Variants in TINAG observed in about 807,000 individuals in gnomAD.
The protein encoded by TINAG is tubulointerstitial nephritis antigen.
Under a neutral mutation model 72.7 loss-of-function variants are expected in TINAG, and 83 were observed. That is an observed-to-expected ratio of 1.14 (90% CI 0.96 to 1.37). TINAG has a LOEUF of 1.37. Among genes scored for constraint, TINAG ranks in the 40% most tolerant of loss-of-function variants. The pLI, the probability that TINAG is intolerant of heterozygous loss-of-function variation, is 0.00. For synonymous variants in TINAG, 234 were observed against 189.9 expected (o/e 1.23, Z -1.91); for missense variants, 685 against 576.6 (o/e 1.19, Z -1.93).
chr6:54,389,739 A>G lies in TINAG; in HGVS notation c.1297-52A>G, dbSNP rs1315225533. 4 of 1,544,126 alleles carry G rather than the reference A, an allele frequency of 2.6e-6. No homozygotes were observed. In the East Asian group the frequency reaches 9.2e-5, roughly 35 times the overall value. ...AATGAGTTCTCCATGGCTTTTTTTA[A>G]AAAATACCAAAGTATGTTTCTCAAC... is the stretch of plus-strand genomic sequence containing the variant. On this transcript the variant is annotated intron_variant, in intron 10 of 10. Transcript: ENST00000259782.
At chr6:54,379,397 A>C (rs1480672594) in intron 9 of TINAG, among the ~76,000 whole-genome samples, 1 of 152,216 alleles carries the variant, frequency 6.6e-6, no homozygotes, top group Non-Finnish European at 1.5e-5. Flanking sequence ...ATCATGAAGA[A>C]AAATGAAATC....
At position 54,343,326 on chromosome 6, in the gene TINAG, C is replaced by A; in HGVS notation, c.725C>A (p.Ala242Glu). Reference protein sequence around the residue: ...HGPLDQKNCAASWAFSTASVA... With the variant: ...HGPLDQKNCAESWAFSTASVA... Reference sequence around the variant, plus strand: ...CCATTGGATCAAAAAAATTGTGCTGCATCCTGGGCATTTTCCACTGCAAGT... The same window carrying A: ...CCATTGGATCAAAAAAATTGTGCTGAATCCTGGGCATTTTCCACTGCAAGT... Residue 242 changes from alanine (A) to glutamate (E), a missense_variant, in exon 5 of 11, where the codon GCA (alanine) becomes GAA (glutamate). Ala to Glu is a moderately radical substitution (Grantham distance 107, BLOSUM62 -1). Transcript: ENST00000259782. The A allele has an allele frequency of 6.4e-7, 1 of 1,555,492 alleles. No homozygotes were observed. The highest frequency in any genetic ancestry group is 8.7e-7 in the Non-Finnish European group (1 of 1,148,596).
intron 5 of TINAG, among the ~76,000 whole-genome samples, chr6:54,347,138 G>T (rs1785141335): frequency 6.6e-6 from 1 of 151,994 alleles, no homozygotes; most frequent in African/African-American, 2.4e-5. Context: ...AAAAATCTTT[G>T]AAGTCAATAG....
At chr6:54,356,369 TA>T in intron 9 of TINAG, among the ~76,000 whole-genome samples, 1 of 151,724 alleles carries the variant, frequency 6.6e-6, no homozygotes, top group East Asian at 2.0e-4. Context: ...ACCCTCTTTC[TA>T]TAAAAAAAAT....
intron 5 of TINAG, among the ~76,000 whole-genome samples, chr6:54,344,418 C>A (rs1374631361): frequency 6.6e-6 from 1 of 152,082 alleles, no homozygotes. Context: ...GTGTCAGGGA[C>A]CCACATGGAG....
At chr6:54,361,725 T>C (rs1763242943) in intron 9 of TINAG, among the ~76,000 whole-genome samples, 1 of 151,688 alleles carries the variant, frequency 6.6e-6, no homozygotes, top group African/African-American at 2.4e-5. Flanking sequence ...TGGCCAAAAG[T>C]TAACCCTCTT....
intron 3 of TINAG, among the ~76,000 whole-genome samples, chr6:54,323,679 C>T (rs991540234): frequency 2.6e-5 from 4 of 152,124 alleles, no homozygotes; most frequent in East Asian, 1.9e-4. Flanking sequence ...TTTGGCCTGG[C>T]GAAGTGGCTT....
chr6:54,309,380 A>G (rs1419313450), intron 1 of TINAG, among the ~76,000 whole-genome samples: 2 of 152,214 alleles, frequency 1.3e-5, no homozygotes, highest in Non-Finnish European at 2.9e-5. Context: ...TAGTAATGCT[A>G]TTAAAACCAG....
At chr6:54,377,331 G>A (rs988395473) in intron 9 of TINAG, among the ~76,000 whole-genome samples, 2 of 151,936 alleles carry the variant, frequency 1.3e-5, no homozygotes, top group Non-Finnish European at 2.9e-5. Context: ...GGCCAACATG[G>A]TGAAACTCCG....
rs755455714 is a variant in TINAG, at chr6:54,308,511, G to T, written c.-40G>T. Reference sequence around the variant, plus strand: ...GAAGCCCACAAGGCTAAGGGTATTGGATATAACGGAAAGTGGAAGCTATAC... The same window carrying T: ...GAAGCCCACAAGGCTAAGGGTATTGTATATAACGGAAAGTGGAAGCTATAC... On this transcript the variant is annotated 5_prime_UTR_variant, in exon 1 of 11. Transcript: ENST00000259782. 6.5e-7 allele frequency: 1 copy of T among 1,540,994 alleles called. No homozygotes were observed. Among genetic ancestry groups the T allele is most frequent in the Non-Finnish European group, 8.8e-7 (1 of 1,134,486 alleles).
At chr6:54,374,784 A>G (rs1441350097) in intron 9 of TINAG, among the ~76,000 whole-genome samples, 1 of 152,082 alleles carries the variant, frequency 6.6e-6, no homozygotes, top group Non-Finnish European at 1.5e-5. Context: ...CCTTAATAAG[A>G]AGGGTTGGAG....
chr6:54,383,392 G>A (rs1045151121), intron 10 of TINAG, among the ~76,000 whole-genome samples: 7 of 152,014 alleles, frequency 4.6e-5, no homozygotes, highest in Non-Finnish European at 1.0e-4. Flanking sequence ...AATATTGAAA[G>A]TCTTTCACTA....
intron 9 of TINAG, among the ~76,000 whole-genome samples, chr6:54,358,534 CAAAAAAAAA>C: frequency 8.9e-6 from 1 of 112,942 alleles, no homozygotes; most frequent in East Asian, 2.5e-4. Flanking sequence ...AGTTATTCGT[CAAAAAAAAA>C]AAAAAAAAGA....
At chr6:54,362,060 A>G (rs546070669) in intron 9 of TINAG, among the ~76,000 whole-genome samples, 9 of 151,732 alleles carry the variant, frequency 5.9e-5, no homozygotes, top group African/African-American at 1.9e-4. Flanking sequence ...TAAAAGTACA[A>G]AGTGAAGTAG....
chr6:54,367,583 C>G (rs1582747752), intron 9 of TINAG, among the ~76,000 whole-genome samples: 1 of 151,726 alleles, frequency 6.6e-6, no homozygotes, highest in Admixed American at 6.6e-5. Context: ...CAAGTGAAAA[C>G]TGGAGTAGAA....
At position 54,321,291 on chromosome 6, in the gene TINAG, T is replaced by C; in HGVS notation, c.420-6T>C. On this transcript the variant is annotated splice_region_variant and splice_polypyrimidine_tract_variant and intron_variant, in intron 2 of 10. Transcript: ENST00000259782. The stretch of plus-strand genomic sequence containing the variant: ...AGCCACTTTTGTAATTGTCATATCT[T>C]TGCAGCACATGCTCAGGACAGCAAT... The C allele has an allele frequency of 6.2e-7, 1 of 1,612,860 alleles. No individual in the cohort carries two copies. Among genetic ancestry groups the C allele is most frequent in the Non-Finnish European group, 8.5e-7 (1 of 1,179,142 alleles).
At chr6:54,370,647 A>C (rs999472638) in intron 9 of TINAG, among the ~76,000 whole-genome samples, 2 of 152,070 alleles carry the variant, frequency 1.3e-5, no homozygotes, top group Non-Finnish European at 2.9e-5. Flanking sequence ...TGCAGCCATC[A>C]ATTAGTCACT....
At chr6:54,358,249 T>A (rs1763116103) in intron 9 of TINAG, among the ~76,000 whole-genome samples, 1 of 151,842 alleles carries the variant, frequency 6.6e-6, no homozygotes, top group African/African-American at 2.4e-5. Flanking sequence ...CCTGCTTTAT[T>A]TTTAAAAATT....
chr6:54,366,791 AG>A (rs1310492186), intron 9 of TINAG, among the ~76,000 whole-genome samples: 3 of 151,682 alleles, frequency 2.0e-5, no homozygotes, highest in African/African-American at 7.2e-5. Context: ...TAGTCAGGCA[AG>A]TAGAAAGTAT....
Sources: allele counts gnomAD v4.1 joint callset (sites outside exome capture counted in the v4.1 genomes callset), GRCh38; gene constraint gnomAD v4.1.1; transcripts MANE v1.5; gene names NCBI Gene and HGNC (gene_info 2026-07-23, HGNC 2026-07-21).